Variants in ADNP observed in about 807,000 individuals in gnomAD.
ADNP encodes the protein activity-dependent neuroprotector homeobox protein.
ADNP carries 4 observed loss-of-function variants against 84.9 expected under a neutral mutation model. The observed-to-expected ratio is 0.05, with a 90% CI of 0.02 to 0.11. The LOEUF is 0.11. ADNP is among the 10% of genes least tolerant of loss of function. The probability of loss-of-function intolerance (pLI) is 1.00; values close to 1 mark genes in which losing one functional copy is unlikely to be tolerated. For synonymous variants in ADNP, 554 were observed against 468.1 expected, an observed-to-expected ratio of 1.18 and a Z score of -2.37; for missense variants, 1,132 against 1,326.0, an observed-to-expected ratio of 0.85 and a Z score of 2.27.
rs1234418629 is a variant in ADNP, at chr20:50,931,237, A to C, written c.-676T>G. The C allele has an allele frequency of 1.3e-5, 1 of 75,874 alleles. No homozygotes were observed. Among genetic ancestry groups the C allele is most frequent in the Non-Finnish European group, 2.5e-5 (1 of 40,076 alleles). The allele number at this position is 75,874 out of a possible 1,614,324, so 4.7% of individuals were successfully genotyped here. On this transcript the variant is annotated 5_prime_UTR_variant, in exon 1 of 6. Coordinates refer to ENST00000621696, the MANE Select transcript of ADNP (RefSeq NM_001282531.3). ...GCCTGCGGGAGGGGGAGGGGGCACA[A>C]GATGGCGGCGGCCGGGGGGGGGGGG...
At chr20:50,908,644 G>A (rs1044264682) in intron 2 of ADNP, among the ~76,000 whole-genome samples, 11 of 151,974 alleles carry the variant, frequency 7.2e-5, no homozygotes, top group Admixed American at 7.2e-4. Context: ...CGTGGTGGTG[G>A]GCACCTGTAG....
intron 2 of ADNP, among the ~76,000 whole-genome samples, chr20:50,922,638 G>A (rs1379939554): frequency 2.0e-5 from 3 of 148,848 alleles, no homozygotes; most frequent in African/African-American, 7.5e-5. Flanking sequence ...GGAGTGCAGT[G>A]GTGCAATCTC....
intron 2 of ADNP, among the ~76,000 whole-genome samples, chr20:50,926,176 T>A (rs1984278303): frequency 6.6e-6 from 1 of 152,224 alleles, no homozygotes; most frequent in African/African-American, 2.4e-5. Flanking sequence ...CAAGTCAAGC[T>A]CTGTGAATCC....
chr20:50,901,026 C>CA (rs971705033), intron 5 of ADNP, among the ~76,000 whole-genome samples: 1 of 152,126 alleles, frequency 6.6e-6, no homozygotes, highest in African/African-American at 2.4e-5. Context: ...ATACTGATAT[C>CA]AAAGAGCAAC....
intron 2 of ADNP, among the ~76,000 whole-genome samples, chr20:50,907,656 C>T (rs1005511689): frequency 5.9e-5 from 9 of 151,548 alleles, no homozygotes; most frequent in Non-Finnish European, 8.8e-5. Context: ...AATCATAGCT[C>T]ACTGCAGCCT....
In ADNP at chr20:50,889,942, G is replaced by A. The variant is rs1980482759; in HGVS notation, c.*1463C>T. On this transcript the variant is annotated 3_prime_UTR_variant, in exon 6 of 6. Coordinates refer to ENST00000621696, the MANE Select transcript of ADNP (RefSeq NM_001282531.3). ...GTTGTTCCCATCGTAAGGTGAAAAC[G>A]AACGTTTAACTTCATCTAGAAGAAA... The A allele has an allele frequency of 1.0e-5, 4 of 390,668 alleles. No homozygotes were observed. Among genetic ancestry groups the A allele is most frequent in the Non-Finnish European group, 1.3e-5 (3 of 225,312 alleles). The allele number at this position is 390,668 out of a possible 1,614,324, so 24.2% of individuals were successfully genotyped here.
chr20:50,923,663 G>C (rs1488270672), intron 2 of ADNP, among the ~76,000 whole-genome samples: 21 of 152,070 alleles, frequency 1.4e-4, no homozygotes, highest in Admixed American at 1.4e-3. Flanking sequence ...GACTACATGT[G>C]AGTGCCACCA....
Position 50,897,480 on chromosome 20 carries a change from A to C in ADNP, c.202-2968T>G, listed in dbSNP as rs566040825. Among the ~76,000 whole-genome samples the C allele has an allele frequency of 5.3e-5, 8 of 152,322 alleles. No individual in the cohort carries two copies. In the East Asian group the frequency reaches 1.2e-3, roughly 22 times the overall value. ...TAAAGTTGTTTGCCATCTCAATCACAGACTTTGTGATTTATGCAAATCCTT... is the reference window on the plus strand; with the variant it reads ...TAAAGTTGTTTGCCATCTCAATCACCGACTTTGTGATTTATGCAAATCCTT... On this transcript the variant is annotated intron_variant, in intron 5 of 5. Transcript: ENST00000621696.
intron 2 of ADNP, among the ~76,000 whole-genome samples, chr20:50,926,115 A>G (rs1176119375): frequency 2.0e-5 from 3 of 152,162 alleles, no homozygotes; most frequent in African/African-American, 7.2e-5. Context: ...CAAACAAACA[A>G]CACACAAAAA....
intron 2 of ADNP, chr20:50,914,233 A>G: frequency 2.7e-6 from 2 of 733,812 alleles, no homozygotes; most frequent in Non-Finnish European, 2.4e-6. Context: ...CATCCAAGAC[A>G]CTGAGGGTAA....
intron 2 of ADNP, chr20:50,913,894 A>C (rs1983288675): frequency 1.6e-6 from 1 of 624,220 alleles, no homozygotes; most frequent in Non-Finnish European, 3.0e-6. Flanking sequence ...TAAATTATTG[A>C]ATTTTTGTTT....
Position 50,890,966 on chromosome 20 carries a change from C to G in ADNP, c.*439G>C. The G allele has an allele frequency of 1.0e-6, 1 of 991,382 alleles. No homozygotes were observed. The highest frequency in any genetic ancestry group is 1.2e-6 in the Non-Finnish European group (1 of 834,386). The allele number at this position is 991,382 out of a possible 1,614,324, so 61.4% of individuals were successfully genotyped here. On this transcript the variant is annotated 3_prime_UTR_variant, in exon 6 of 6. Coordinates refer to ENST00000621696, the MANE Select transcript of ADNP (RefSeq NM_001282531.3). ...TGTACAAATATACATTTCAACTATT[C>G]AGAATGAATACATGAAAAAAAATCG...
chr20:50,898,311 A>G (rs1981618910), intron 5 of ADNP, among the ~76,000 whole-genome samples: 1 of 152,168 alleles, frequency 6.6e-6, no homozygotes. Flanking sequence ...CTAGCAGTCA[A>G]TTCAACATCA....
chr20:50,915,484 CCACT>C (rs1472597812), intron 2 of ADNP, among the ~76,000 whole-genome samples: 2 of 152,124 alleles, frequency 1.3e-5, no homozygotes, highest in Non-Finnish European at 2.9e-5. Context: ...AACAATCACC[CCACT>C]CAATCTTTTT....
chr20:50,915,822 T>C (rs1983467228), intron 2 of ADNP, among the ~76,000 whole-genome samples: 1 of 152,158 alleles, frequency 6.6e-6, no homozygotes, highest in Non-Finnish European at 1.5e-5. Context: ...ACCAGGAAGA[T>C]AAGAAAGAAA....
intron 5 of ADNP, among the ~76,000 whole-genome samples, chr20:50,896,385 T>C (rs962496744): frequency 6.6e-6 from 1 of 151,748 alleles, no homozygotes; most frequent in Non-Finnish European, 1.5e-5. Flanking sequence ...AGGACAGGAG[T>C]TCGACACCAG....
chr20:50,891,933 T>C lies in ADNP; in HGVS notation c.2781A>G (p.Leu927=), dbSNP rs1980792114. 1.2e-6 allele frequency: 2 copies of C among 1,614,136 alleles called. No homozygotes were observed. Among genetic ancestry groups the C allele is most frequent in the Admixed American group, 1.7e-5 (1 of 60,018 alleles). ...PEDASESEEK[L]DQKEDGSKYE... is the part of the protein sequence containing the mutation. ...ATTTTGAACCATCCTCTTTTTGGTC[T>C]AGCTTCTCCTCAGATTCTGAAGCAT... is the stretch of plus-strand genomic sequence containing the variant. Residue 927 remains leucine, a synonymous_variant, in exon 6 of 6, where the codon CTA becomes CTG. Coordinates refer to ENST00000621696, the MANE Select transcript of ADNP (RefSeq NM_001282531.3).
At chr20:50,908,813 T>TA (rs1439737825) in intron 2 of ADNP, among the ~76,000 whole-genome samples, 11 of 151,978 alleles carry the variant, frequency 7.2e-5, no homozygotes, top group African/African-American at 2.7e-4. Flanking sequence ...GATTCTCCTT[T>TA]ATAAATGTGG....
intron 5 of ADNP, among the ~76,000 whole-genome samples, chr20:50,898,022 T>C (rs1325701085): frequency 1.3e-5 from 2 of 152,140 alleles, no homozygotes; most frequent in East Asian, 1.9e-4. Flanking sequence ...GCCTGCAACA[T>C]TGCCCCCAAG....
Sources: gnomAD v4.1 joint callset for allele counts (sites outside exome capture counted in the v4.1 genomes callset) on GRCh38, gnomAD v4.1.1 for gene constraint, MANE v1.5 for transcripts, NCBI Gene and HGNC (gene_info 2026-07-23, HGNC 2026-07-21) for gene names.